Variants in DLGAP1 observed in about 807,000 individuals in gnomAD.
DLGAP1 encodes the protein disks large-associated protein 1.
A neutral mutation model predicts 90.8 loss-of-function variants in DLGAP1; 11 were observed. The observed-to-expected ratio is 0.12, with a 90% CI of 0.08 to 0.20. The LOEUF (loss-of-function observed/expected upper bound fraction) is 0.20, where lower values mean the gene tolerates loss of function less well. Among genes scored for constraint, DLGAP1 ranks in the 10% least tolerant of loss-of-function variants. The pLI is 1.00. For missense variants in DLGAP1, 1,050 were observed against 1,333.8 expected (o/e 0.79, Z 3.31); for synonymous variants, 558 against 540.7 (o/e 1.03, Z -0.44).
chr18:3,803,139 T>C (rs1258998629), intron 5 of DLGAP1, among the ~76,000 whole-genome samples: 4 of 152,010 alleles, frequency 2.6e-5, no homozygotes, highest in African/African-American at 9.7e-5. Flanking sequence ...ATGACAAAAC[T>C]GAATATGGAG....
At chr18:4,399,314 C>T (rs2082503533) in intron 1 of DLGAP1, among the ~76,000 whole-genome samples, 1 of 152,120 alleles carries the variant, frequency 6.6e-6, no homozygotes, top group Admixed American at 6.5e-5. Context: ...AACAAGAATT[C>T]CTGAAAACAA....
At chr18:4,079,631 C>G (rs1412459586) in intron 2 of DLGAP1, among the ~76,000 whole-genome samples, 2 of 151,760 alleles carry the variant, frequency 1.3e-5, no homozygotes, top group African/African-American at 4.8e-5. Context: ...CAGACTTCAC[C>G]TCTATGCAGT....
At chr18:3,682,669 G>C (rs1319969771) in intron 7 of DLGAP1, among the ~76,000 whole-genome samples, 1 of 152,150 alleles carries the variant, frequency 6.6e-6, no homozygotes, top group Non-Finnish European at 1.5e-5. Context: ...TAGTGAGGCA[G>C]CTACTCTAGA....
chr18:3,786,947 GTGT>G (rs2065475925), intron 5 of DLGAP1, among the ~76,000 whole-genome samples: 1 of 133,176 alleles, frequency 7.5e-6, no homozygotes, highest in African/African-American at 2.7e-5. Flanking sequence ...TTCATGGAGT[GTGT>G]TGTTCGCATT....
intron 1 of DLGAP1, among the ~76,000 whole-genome samples, chr18:4,385,851 T>G (rs2082219348): frequency 6.6e-6 from 1 of 152,224 alleles, no homozygotes; most frequent in Non-Finnish European, 1.5e-5. Context: ...TAAACATGCC[T>G]GTAAATTGGC....
At chr18:4,394,486 A>G (rs2082400513) in intron 1 of DLGAP1, among the ~76,000 whole-genome samples, 1 of 152,218 alleles carries the variant, frequency 6.6e-6, no homozygotes, top group Non-Finnish European at 1.5e-5. Flanking sequence ...AAATCCAGAA[A>G]AATGCACATC....
chr18:3,597,784 T>G, intron 7 of DLGAP1: 1 of 157,190 alleles, frequency 6.4e-6, no homozygotes. Context: ...CATCCACCGT[T>G]CCTTCCTGTT....
At chr18:4,387,537 A>G (rs2082255198) in intron 1 of DLGAP1, among the ~76,000 whole-genome samples, 1 of 152,218 alleles carries the variant, frequency 6.6e-6, no homozygotes, top group Non-Finnish European at 1.5e-5. Context: ...GCTCATAAGA[A>G]CAAACTGTCT....
At chr18:4,418,004 C>T (rs2082941489) in intron 1 of DLGAP1, among the ~76,000 whole-genome samples, 3 of 152,270 alleles carry the variant, frequency 2.0e-5, no homozygotes, top group Admixed American at 2.0e-4. Context: ...AGACTTAAAG[C>T]TGGCGATAGA....
At chr18:4,255,541 G>A (rs1194952534) in intron 1 of DLGAP1, among the ~76,000 whole-genome samples, 1 of 149,980 alleles carries the variant, frequency 6.7e-6, no homozygotes, top group Non-Finnish European at 1.5e-5. Flanking sequence ...CTTTCCAACT[G>A]TAGTCATTAG....
intron 10 of DLGAP1, among the ~76,000 whole-genome samples, chr18:3,528,697 T>G (rs1303049769): frequency 6.6e-6 from 1 of 152,228 alleles, no homozygotes; most frequent in South Asian, 2.1e-4. Flanking sequence ...TTTTCCCTTC[T>G]TCCTGGAGAG....
At chr18:4,415,060 T>TACAC (rs1567904132) in intron 1 of DLGAP1, among the ~76,000 whole-genome samples, 11 of 41,350 alleles carry the variant, frequency 2.7e-4, no homozygotes, top group African/African-American at 1.8e-3. Context: ...CACATACACA[T>TACAC]ATATATATAT....
intron 2 of DLGAP1, among the ~76,000 whole-genome samples, chr18:4,124,375 A>T (rs1370926797): frequency 2.0e-5 from 3 of 152,242 alleles, no homozygotes; most frequent in Non-Finnish European, 4.4e-5. Context: ...CATGCCTCTA[A>T]AAGTCATTAT....
intron 8 of DLGAP1, among the ~76,000 whole-genome samples, chr18:3,581,497 GT>G (rs1455835587): frequency 6.6e-6 from 1 of 151,898 alleles, no homozygotes; most frequent in African/African-American, 2.4e-5. Context: ...TTGTTCTGCT[GT>G]TCTGCCTTTC....
At chr18:4,243,998 G>A (rs977721110) in intron 1 of DLGAP1, among the ~76,000 whole-genome samples, 2 of 152,022 alleles carry the variant, frequency 1.3e-5, no homozygotes, top group South Asian at 2.1e-4. Context: ...TAACTTCATC[G>A]ATTATTATTT....
At chr18:3,974,082 T>A (rs1041115660) in intron 3 of DLGAP1, among the ~76,000 whole-genome samples, 3 of 152,042 alleles carry the variant, frequency 2.0e-5, no homozygotes, top group African/African-American at 7.2e-5. Context: ...ACTTTTTATT[T>A]TTTTTTTTTT....
chr18:4,185,676 T>A (rs970298537), intron 1 of DLGAP1, among the ~76,000 whole-genome samples: 1 of 151,954 alleles, frequency 6.6e-6, no homozygotes, highest in African/African-American at 2.4e-5. Context: ...TTCATTTAGG[T>A]TGAATGCCAT....
Position 4,425,200 on chromosome 18 carries a change from A to G in DLGAP1, c.-267+29806T>C, listed in dbSNP as rs191095913. ...TAAAATGGTTCCACAAATCATCACT[A>G]TAAGAGTTTAGCTGACTCATATTTC... On this transcript the variant is annotated intron_variant, in intron 1 of 12. Transcript: ENST00000315677. Among the ~76,000 whole-genome samples, 14 of 152,358 alleles carry G rather than the reference A, an allele frequency of 9.2e-5. No homozygotes were observed. In the Middle Eastern group the frequency reaches 0.01, roughly 111 times the overall value.
At chr18:4,392,969 C>G (rs560702093) in intron 1 of DLGAP1, among the ~76,000 whole-genome samples, 1 of 152,290 alleles carries the variant, frequency 6.6e-6, no homozygotes, top group East Asian at 1.9e-4. Flanking sequence ...ATCAGCAAGT[C>G]ATGTGTACTG....
Sources: gnomAD v4.1 joint callset for allele counts (sites outside exome capture counted in the v4.1 genomes callset) on GRCh38, gnomAD v4.1.1 for gene constraint, MANE v1.5 for transcripts, NCBI Gene and HGNC (gene_info 2026-07-23, HGNC 2026-07-21) for gene names.